DOCK10: variants seen among roughly 807,000 people sequenced by gnomAD.
DOCK10 encodes dedicator of cytokinesis protein 10.
A neutral mutation model predicts 280.1 loss-of-function variants in DOCK10; 145 were observed. That is an observed-to-expected ratio of 0.52 (90% CI 0.45 to 0.59). The LOEUF (loss-of-function observed/expected upper bound fraction) is 0.59. DOCK10 is among the 20% of genes least tolerant of loss of function. The pLI, the probability that DOCK10 is intolerant of heterozygous loss-of-function variation, is 0.00. For synonymous variants in DOCK10, 915 were observed against 942.2 expected (o/e 0.97, Z 0.53); for missense variants, 2,368 against 2,651.7 (o/e 0.89, Z 2.35).
At chr2:224,812,575 G>A (rs1693852888) in intron 31 of DOCK10, among the ~76,000 whole-genome samples, 2 of 152,212 alleles carry the variant, frequency 1.3e-5, no homozygotes, top group South Asian at 2.1e-4. Flanking sequence ...AGTTTTCAAA[G>A]GGAATGCTTC....
intron 27 of DOCK10, among the ~76,000 whole-genome samples, chr2:224,828,392 G>C (rs769568555): frequency 1.3e-5 from 2 of 152,152 alleles, no homozygotes; most frequent in Non-Finnish European, 2.9e-5. Context: ...TCTAGAGATG[G>C]CCTACTTTAA....
At chr2:224,835,413 G>T (rs142382850) in intron 25 of DOCK10, among the ~76,000 whole-genome samples, 1 of 152,172 alleles carries the variant, frequency 6.6e-6, no homozygotes, top group Non-Finnish European at 1.5e-5. Context: ...CTTTAGACAC[G>T]CATCTTTGAA....
Position 224,817,915 on chromosome 2 carries a change from C to T in DOCK10, c.3268-1202G>A, listed in dbSNP as rs143535794. On this transcript the variant is annotated intron_variant, in intron 29 of 55. Transcript: ENST00000258390. The stretch of plus-strand genomic sequence containing the variant: ...TAAATCCATTGTTCTTTTCAAATAC[C>T]TAGATAATTTCCCCTTGAGGACTGG... Among the ~76,000 whole-genome samples the T allele has an allele frequency of 3.2e-3, 487 of 152,242 alleles. 2 individuals are homozygous for T. Among genetic ancestry groups the T allele is most frequent in the Middle Eastern group, 0.01 (3 of 294 alleles).
intron 43 of DOCK10, 32 bp from the exon 44 acceptor site, chr2:224,796,458 C>G (rs1342154781): frequency 7.3e-7 from 1 of 1,376,612 alleles, no homozygotes; most frequent in African/African-American, 1.4e-5. Flanking sequence ...CTCTCAAAAA[C>G]AAGACCAGAA....
chr2:224,991,531 G>A lies in DOCK10; in HGVS notation c.123+50721C>T, dbSNP rs777503280. Among the ~76,000 whole-genome samples the A allele has an allele frequency of 5.9e-5, 9 of 152,164 alleles. No individual in the cohort carries two copies. The South Asian group carries it at 6.2e-4, about 11-fold the overall frequency. On this transcript the variant is annotated intron_variant, in intron 1 of 55. Coordinates refer to ENST00000258390, the MANE Select transcript of DOCK10 (RefSeq NM_014689.3). ...ACCAAAGTGGGTAGATAACAGTCCT[G>A]CAAGTCAAGGCTCAAAAACAATAAA...
Position 224,774,901 on chromosome 2 carries a change from CTACT to C in DOCK10, c.6013_6013+3del, listed in dbSNP as rs1373884106. On this transcript the variant is annotated splice_donor_variant and splice_donor_region_variant and coding_sequence_variant and intron_variant, in exon 52 of 56. Coordinates refer to ENST00000258390, the MANE Select transcript of DOCK10 (RefSeq NM_014689.3). LOFTEE classifies it high-confidence loss of function. ...ACATGTGTGGCCCGGCTACCTGCAC[CTACT>C]TGTCAGGATCGTCCGCCGCTTGCAC... 6.3e-7 allele frequency: 1 copy of C among 1,582,990 alleles called. No homozygotes were observed. The highest frequency in any genetic ancestry group is 8.6e-7 in the Non-Finnish European group (1 of 1,163,708).
intron 1 of DOCK10, among the ~76,000 whole-genome samples, chr2:224,984,489 G>A (rs1008213709): frequency 1.3e-5 from 2 of 152,062 alleles, no homozygotes; most frequent in East Asian, 1.9e-4. Context: ...ATTATTGACG[G>A]GCTGCTGACA....
chr2:224,833,650 T>G (rs1695398072), intron 26 of DOCK10, among the ~76,000 whole-genome samples: 1 of 138,452 alleles, frequency 7.2e-6, no homozygotes, highest in South Asian at 2.1e-4. Context: ...AATATCTATC[T>G]ATGTATCTCT....
chr2:224,852,012 G>GCGC (rs80029220), intron 18 of DOCK10, among the ~76,000 whole-genome samples: 148 of 152,076 alleles, frequency 9.7e-4, no homozygotes, highest in Middle Eastern at 3.4e-3. Context: ...GTATGCGGCA[G>GCGC]TTCTGCGTAG....
In DOCK10 at chr2:224,797,100, A is replaced by G; in HGVS notation, c.4691T>C (p.Phe1564Ser). The G allele has an allele frequency of 6.2e-7, 1 of 1,613,500 alleles. No homozygotes were observed. The highest frequency in any genetic ancestry group is 8.5e-7 in the Non-Finnish European group (1 of 1,179,644). ...ACAGCATTTTAGGACTTCGTAACAG[A>G]ATGATCCACAGAGGTCAGCAGGCCC... is the stretch of plus-strand genomic sequence containing the variant. ...FQGPADLCGS[F>S]CYEVLKCCNH... The change falls in exon 43 of 56, where the codon TTC becomes TCC. Residue 1564 changes from phenylalanine (F) to serine (S), a missense_variant. This residue lies in a region of DOCK10 where 1,159 missense variants were observed against 1,400.8 expected (regional missense o/e 0.83). Transcript: ENST00000258390.
At chr2:224,939,393 T>C (rs764769431) in intron 1 of DOCK10, among the ~76,000 whole-genome samples, 3 of 152,202 alleles carry the variant, frequency 2.0e-5, no homozygotes, top group Non-Finnish European at 4.4e-5. Flanking sequence ...AATCTGACCA[T>C]GTATATCTCT....
chr2:225,019,977 T>C (rs1415676205), intron 1 of DOCK10, among the ~76,000 whole-genome samples: 1 of 152,218 alleles, frequency 6.6e-6, no homozygotes, highest in Non-Finnish European at 1.5e-5. Context: ...TTGTGATCTA[T>C]ATGTTGTTCC....
rs1215340534 is a variant in DOCK10, at chr2:225,042,194, C to A, written c.123+58G>T. On this transcript the variant is annotated intron_variant, in intron 1 of 55. Transcript: ENST00000258390. This position sits in a 1 kb window ranked among gnomAD's most constrained non-coding sequence, Gnocchi z 5.1. ...GCCGAGCTTTTGGGGAAGCTGGGCTCCGTTCCCCCCGGGCGCCTGGGGCGC... is the reference window on the plus strand; with the variant it reads ...GCCGAGCTTTTGGGGAAGCTGGGCTACGTTCCCCCCGGGCGCCTGGGGCGC... The A allele has an allele frequency of 3.3e-6, 4 of 1,224,734 alleles. No individual in the cohort carries two copies. The highest frequency in any genetic ancestry group is 4.1e-6 in the Non-Finnish European group (4 of 983,444). The allele number at this position is 1,224,734 out of a possible 1,614,324, so 75.9% of individuals were successfully genotyped here.
At chr2:224,950,263 T>C (rs1472963720) in intron 1 of DOCK10, among the ~76,000 whole-genome samples, 1 of 152,168 alleles carries the variant, frequency 6.6e-6, no homozygotes, top group Non-Finnish European at 1.5e-5. Flanking sequence ...AGGGAAATTA[T>C]AAAGATCTAG....
chr2:224,958,577 G>C (rs1327643347), intron 1 of DOCK10, among the ~76,000 whole-genome samples: 2 of 151,864 alleles, frequency 1.3e-5, no homozygotes, highest in Non-Finnish European at 2.9e-5. Flanking sequence ...ACTACAAAAG[G>C]TTCCAATTAT....
chr2:224,856,293 AG>A (rs1204295066), intron 15 of DOCK10, among the ~76,000 whole-genome samples: 1 of 142,178 alleles, frequency 7.0e-6, no homozygotes, highest in Admixed American at 6.7e-5. Context: ...GTTTTGTAAG[AG>A]TTTTTTTTTT....
At chr2:224,918,135 C>G (rs886932962) in intron 2 of DOCK10, among the ~76,000 whole-genome samples, 7 of 152,216 alleles carry the variant, frequency 4.6e-5, no homozygotes, top group Admixed American at 3.3e-4. Context: ...TCCTTCTCTT[C>G]CAATCCTGGA....
chr2:224,797,913 G>A lies in DOCK10; in HGVS notation c.4563C>T (p.Thr1521=), dbSNP rs1262369537. The stretch of plus-strand genomic sequence containing the variant: ...GATTGACTTGGAAAAAGAGCATGTA[G>A]GTATCAAAGACCCTTTTCATCAATG... ...QNSLMKRVFD[T]YMLFFQVNQS... The change falls in exon 42 of 56, where the codon ACC becomes ACT. Residue 1521 remains threonine (T), a synonymous_variant. Coordinates refer to ENST00000258390, the MANE Select transcript of DOCK10 (RefSeq NM_014689.3). The A allele has an allele frequency of 8.1e-6, 13 of 1,613,792 alleles. No homozygotes were observed. In the East Asian group the frequency reaches 2.7e-4, roughly 33 times the overall value.
chr2:224,834,202 AC>A lies in DOCK10; in HGVS notation c.2911del (p.Val971Ter). 6.2e-7 allele frequency: 1 copy of A among 1,613,766 alleles called. No individual in the cohort carries two copies. Among genetic ancestry groups the A allele is most frequent in the Non-Finnish European group, 8.5e-7 (1 of 1,179,692 alleles). ...GTCATTTGATTTCAAAAGACCAGTC[AC>A]ATTTTTAGCCAGTTCCTCATGTACA... ...RTVHEELAKN[V>X]TGLLKSNDST... On this transcript the variant is annotated frameshift_variant, in exon 26 of 56. Coordinates refer to ENST00000258390, the MANE Select transcript of DOCK10 (RefSeq NM_014689.3). LOFTEE classifies it high-confidence loss of function.
Sources: allele counts gnomAD v4.1 joint callset (sites outside exome capture counted in the v4.1 genomes callset), GRCh38; gene constraint gnomAD v4.1.1; regional missense constraint gnomAD v4.1.1; non-coding constraint Gnocchi (gnomAD v3.1); transcripts MANE v1.5; gene names NCBI Gene and HGNC (gene_info 2026-07-23, HGNC 2026-07-21).